Variants in UGT1A8 observed in about 807,000 individuals in gnomAD.
UGT1A8 encodes the protein UDP glucuronosyltransferase family 1 member A8, also known as UDP-glucuronosyltransferase 1A8.
In UGT1A8, 39 loss-of-function variants were observed where a neutral mutation model predicts 45.3. That is an observed-to-expected ratio of 0.86 (90% CI 0.67 to 1.12). The LOEUF is 1.12. Among genes scored for constraint, UGT1A8 ranks in the 50% most tolerant of loss-of-function variants. UGT1A8 has a pLI of 0.00. For synonymous variants in UGT1A8, 275 were observed against 249.2 expected, an observed-to-expected ratio of 1.10 and a Z score of -0.97; for missense variants, 719 against 664.9, an observed-to-expected ratio of 1.08 and a Z score of -0.90.
chr2:233,717,072 T>A (rs3806595), intron 1 of UGT1A8, among the ~76,000 whole-genome samples: 15,420 of 152,108 alleles, frequency 0.1, 899 homozygotes, highest in East Asian at 0.2. Flanking sequence ...GCCAGACACG[T>A]AACCAGAAAT....
chr2:233,720,496 G>A (rs780049805), intron 1 of UGT1A8, among the ~76,000 whole-genome samples: 30 of 152,218 alleles, frequency 2.0e-4, no homozygotes, highest in Middle Eastern at 3.4e-3. Context: ...GAAGGGAAGT[G>A]TTTCTCAGGT....
chr2:233,753,025 CA>C (rs2125918346), intron 1 of UGT1A8, among the ~76,000 whole-genome samples: 1 of 152,200 alleles, frequency 6.6e-6, no homozygotes, highest in South Asian at 2.1e-4. Flanking sequence ...ATTTACAACA[CA>C]AAAAACTACC....
In UGT1A8 at chr2:233,767,094, T is replaced by A; in HGVS notation, c.916T>A (p.Ser306Thr). 3 of 1,614,120 alleles carry A rather than the reference T, an allele frequency of 1.9e-6. No homozygotes were observed. The highest frequency in any genetic ancestry group is 2.5e-6 in the Non-Finnish European group (3 of 1,180,014). ...EHGIVVFSLG[S>T]MVSEIPEKKA... ...TGGAATTGTGGTTTTCTCTTTGGGA[T>A]CAATGGTCTCAGAAATTCCAGAGAA... Residue 306 changes from serine (S) to threonine (T), a missense_variant, in exon 2 of 5, where the codon TCA (serine) becomes ACA (threonine). Transcript: ENST00000373450.
At chr2:233,708,901 G>C (rs945780611) in intron 1 of UGT1A8, among the ~76,000 whole-genome samples, 1 of 152,086 alleles carries the variant, frequency 6.6e-6, no homozygotes, top group Admixed American at 6.6e-5. Context: ...GGGGCTATCT[G>C]GTTAGGTATT....
intron 1 of UGT1A8, among the ~76,000 whole-genome samples, chr2:233,707,538 C>CTT (rs753963758): frequency 2.1e-4 from 27 of 126,992 alleles, no homozygotes; most frequent in African/African-American, 6.9e-4. Context: ...TTTGTCTTGC[C>CTT]TTTTTTTTTT....
intron 1 of UGT1A8, among the ~76,000 whole-genome samples, chr2:233,629,044 C>T (rs1241457377): frequency 2.6e-5 from 4 of 152,084 alleles, no homozygotes; most frequent in African/African-American, 9.7e-5. Context: ...GTGCAACCAA[C>T]ACCACCATTC....
At chr2:233,772,010 G>A (rs538941446) in intron 4 of UGT1A8, among the ~76,000 whole-genome samples, 1 of 152,306 alleles carries the variant, frequency 6.6e-6, no homozygotes, top group Admixed American at 6.5e-5. Flanking sequence ...CTACTCTGGA[G>A]GCTGAGGCAG....
intron 1 of UGT1A8, chr2:233,730,038 C>T (rs1559375450): frequency 6.2e-7 from 1 of 1,612,872 alleles, no homozygotes; most frequent in East Asian, 2.2e-5. Flanking sequence ...AGGCAAAACA[C>T]TTTTTAAAAA....
In UGT1A8 at chr2:233,772,647, T is replaced by C. The variant is rs1430291963; in HGVS notation, c.*88T>C. 7 of 1,549,866 alleles carry C rather than the reference T, an allele frequency of 4.5e-6. No homozygotes were observed. In the African/African-American group the frequency reaches 5.5e-5, roughly 12 times the overall value. On this transcript the variant is annotated 3_prime_UTR_variant, in exon 5 of 5. Transcript: ENST00000373450. ...CAGAATCAGTGTTAAATTCATTTTATTCTTATTAAGGAAATACTTTGCATA... is the reference window on the plus strand; with the variant it reads ...CAGAATCAGTGTTAAATTCATTTTACTCTTATTAAGGAAATACTTTGCATA...
At chr2:233,682,380 A>G in intron 1 of UGT1A8, 2 of 1,613,942 alleles carry the variant, frequency 1.2e-6, no homozygotes, top group Non-Finnish European at 1.7e-6. Flanking sequence ...GTGTTTCTCG[A>G]TCCTTTTGAT....
chr2:233,743,058 A>G lies in UGT1A8; in HGVS notation c.856-23976A>G, dbSNP rs79897461. ...GTCCTATCCGTGTAGTCCCAACGAT[A>G]AGAACAGGTGTTGGCATGAAGTGTT... On this transcript the variant is annotated intron_variant, in intron 1 of 4. Coordinates refer to ENST00000373450, the MANE Select transcript of UGT1A8 (RefSeq NM_019076.5). The G allele has an allele frequency of 7.7e-5, 25 of 325,552 alleles. No homozygotes were observed. The East Asian group carries it at 1.9e-3, about 25-fold the overall frequency. The allele number at this position is 325,552 out of a possible 1,614,324, so 20.2% of individuals were successfully genotyped here. A position where few individuals can be genotyped will look rare whatever the true frequency, so the allele number is the denominator to read the frequency against.
intron 1 of UGT1A8, among the ~76,000 whole-genome samples, chr2:233,628,150 A>T (rs936317924): frequency 6.6e-6 from 1 of 152,056 alleles, no homozygotes; most frequent in African/African-American, 2.4e-5. Context: ...TCCTGTGCTA[A>T]TGATGCAATG....
intron 1 of UGT1A8, among the ~76,000 whole-genome samples, chr2:233,722,492 T>G (rs1349668885): frequency 6.6e-6 from 1 of 152,244 alleles, no homozygotes; most frequent in African/African-American, 2.4e-5. Context: ...ACTGTTTCAT[T>G]TTCCGTTTCG....
intron 1 of UGT1A8, chr2:233,747,109 G>A: frequency 7.1e-7 from 1 of 1,400,096 alleles, no homozygotes; most frequent in Non-Finnish European, 9.7e-7. Context: ...CCAATTACAT[G>A]ATGATTTGCT....
chr2:233,741,522 A>C (rs1173490557), intron 1 of UGT1A8: 1 of 151,908 alleles, frequency 6.6e-6, no homozygotes, highest in African/African-American at 2.4e-5. Flanking sequence ...AAGCCTTAAC[A>C]GTCTGTCTTA....
At chr2:233,669,305 C>T (rs769280512) in intron 1 of UGT1A8, among the ~76,000 whole-genome samples, 1 of 151,672 alleles carries the variant, frequency 6.6e-6, no homozygotes, top group Non-Finnish European at 1.5e-5. Flanking sequence ...AGGTCTTTTA[C>T]ATTTCCCTAT....
chr2:233,637,019 T>C (rs1342225169), intron 1 of UGT1A8: 1 of 1,614,100 alleles, frequency 6.2e-7, no homozygotes, highest in South Asian at 1.1e-5. Flanking sequence ...CTCCCCTCTG[T>C]GGTCTTCACC....
intron 1 of UGT1A8, among the ~76,000 whole-genome samples, chr2:233,679,282 C>T (rs755916261): frequency 7.2e-5 from 11 of 152,290 alleles, no homozygotes; most frequent in Non-Finnish European, 1.5e-4. Context: ...GCATTTTCTG[C>T]CTTCACGGAC....
intron 1 of UGT1A8, among the ~76,000 whole-genome samples, chr2:233,727,837 G>A (rs564392450): frequency 6.6e-6 from 1 of 152,316 alleles, no homozygotes; most frequent in Non-Finnish European, 1.5e-5. Context: ...TGTTATCAAT[G>A]TGGAGTAATT....
Sources: gnomAD v4.1 joint callset for allele counts (sites outside exome capture counted in the v4.1 genomes callset) on GRCh38, gnomAD v4.1.1 for gene constraint, MANE v1.5 for transcripts, NCBI Gene and HGNC (gene_info 2026-07-23, HGNC 2026-07-21) for gene names.